The following LRRN1 variants were observed in gnomAD, a reference collection of about 807,000 sequenced individuals.
The protein encoded by LRRN1 is leucine-rich repeat neuronal protein 1.
In LRRN1, 14 loss-of-function variants were observed where a neutral mutation model predicts 45.8. That is an observed-to-expected ratio of 0.31 (90% confidence interval 0.20 to 0.48). LRRN1 has a LOEUF of 0.48. Among genes scored for constraint, LRRN1 ranks in the 20% least tolerant of loss-of-function variants. The pLI is 0.99. For synonymous variants in LRRN1, 359 were observed against 330.1 expected (o/e 1.09, Z -0.95); for missense variants, 789 against 874.2 (o/e 0.90, Z 1.23).
chr3:3,838,613 A>G (rs1479476797), intron 1 of LRRN1, among the ~76,000 whole-genome samples: 7 of 152,226 alleles, frequency 4.6e-5, no homozygotes, highest in South Asian at 2.1e-4. Flanking sequence ...ATTGTTTTCC[A>G]TAATGGTTGC....
At chr3:3,814,138 G>A (rs1383982923) in intron 1 of LRRN1, among the ~76,000 whole-genome samples, 1 of 148,844 alleles carries the variant, frequency 6.7e-6, no homozygotes, top group Non-Finnish European at 1.5e-5. Flanking sequence ...AGCCCTCATC[G>A]CCTCTCCTTT....
intron 1 of LRRN1, chr3:3,827,629 C>T: frequency 5.1e-6 from 2 of 391,992 alleles, no homozygotes; most frequent in South Asian, 3.7e-5. Context: ...TATTTGGAGC[C>T]TGAGAAAAAG....
chr3:3,843,919 G>T (rs1693698844), intron 1 of LRRN1, among the ~76,000 whole-genome samples: 1 of 152,132 alleles, frequency 6.6e-6, no homozygotes, highest in Admixed American at 6.5e-5. Flanking sequence ...CTTTCACTAG[G>T]AATGAACTTT....
chr3:3,814,150 G>C (rs1692939408), intron 1 of LRRN1, among the ~76,000 whole-genome samples: 1 of 148,590 alleles, frequency 6.7e-6, no homozygotes, highest in South Asian at 2.2e-4. Context: ...CTCTCCTTTA[G>C]CTTATTGGAA....
At chr3:3,822,036 G>A (rs1462190086) in intron 1 of LRRN1, among the ~76,000 whole-genome samples, 1 of 152,168 alleles carries the variant, frequency 6.6e-6, no homozygotes, top group Non-Finnish European at 1.5e-5. Flanking sequence ...AAAGCGATGC[G>A]ATTTGGGTTC....
At chr3:3,820,815 C>G (rs911973093) in intron 1 of LRRN1, among the ~76,000 whole-genome samples, 1 of 152,194 alleles carries the variant, frequency 6.6e-6, no homozygotes, top group African/African-American at 2.4e-5. Flanking sequence ...ATGAATAAAA[C>G]ATAACCTTGG....
intron 1 of LRRN1, among the ~76,000 whole-genome samples, chr3:3,814,390 G>A (rs1355490904): frequency 1.3e-5 from 2 of 151,412 alleles, no homozygotes; most frequent in East Asian, 3.9e-4. Context: ...GATGTATATG[G>A]GCTGTACCCA....
At chr3:3,820,523 C>T (rs1410232341) in intron 1 of LRRN1, among the ~76,000 whole-genome samples, 1 of 152,144 alleles carries the variant, frequency 6.6e-6, no homozygotes, top group Non-Finnish European at 1.5e-5. Context: ...CAATGGTGTA[C>T]TCTGATACTT....
chr3:3,824,855 A>C (rs1020052102), intron 1 of LRRN1, among the ~76,000 whole-genome samples: 3 of 152,176 alleles, frequency 2.0e-5, no homozygotes, highest in Admixed American at 6.5e-5. Context: ...CTTGGCCTCC[A>C]AATATGTGAC....
chr3:3,815,414 A>C (rs575168763), intron 1 of LRRN1, among the ~76,000 whole-genome samples: 1 of 152,110 alleles, frequency 6.6e-6, no homozygotes, highest in East Asian at 1.9e-4. Flanking sequence ...TCAATAAACT[A>C]TTCTAATTCA....
chr3:3,829,505 A>T (rs369624651), intron 1 of LRRN1, among the ~76,000 whole-genome samples: 1 of 152,150 alleles, frequency 6.6e-6, no homozygotes, highest in Non-Finnish European at 1.5e-5. Context: ...AAACATTACC[A>T]TGTATTGGAT....
chr3:3,829,677 C>T (rs1693321906), intron 1 of LRRN1, among the ~76,000 whole-genome samples: 1 of 152,198 alleles, frequency 6.6e-6, no homozygotes, highest in Admixed American at 6.5e-5. Flanking sequence ...CAGTGAATTC[C>T]ATGAGCATGA....
chr3:3,809,236 G>A (rs549105936), intron 1 of LRRN1, among the ~76,000 whole-genome samples: 20 of 152,162 alleles, frequency 1.3e-4, no homozygotes, highest in Admixed American at 1.0e-3. Context: ...CTCTGCCTCC[G>A]GGGTTCAAGC....
chr3:3,800,483 A>G (rs1226761176), intron 1 of LRRN1, among the ~76,000 whole-genome samples: 2 of 152,158 alleles, frequency 1.3e-5, no homozygotes, highest in African/African-American at 2.4e-5. Context: ...CAAGGCACTG[A>G]AAGTATTGAA....
At chr3:3,802,482 GACA>G (rs1050469031) in intron 1 of LRRN1, among the ~76,000 whole-genome samples, 5 of 152,172 alleles carry the variant, frequency 3.3e-5, no homozygotes, top group African/African-American at 1.2e-4. Context: ...AGAAAAAAAA[GACA>G]ACATTGTTTT....
intron 1 of LRRN1, among the ~76,000 whole-genome samples, chr3:3,838,094 C>A (rs1451820700): frequency 6.6e-6 from 1 of 152,038 alleles, no homozygotes; most frequent in East Asian, 1.9e-4. Flanking sequence ...AGAAATAAGA[C>A]CACCCATCTA....
intron 1 of LRRN1, among the ~76,000 whole-genome samples, chr3:3,813,835 C>T (rs6763248): frequency 0.015 from 2,351 of 152,138 alleles, 52 homozygotes; most frequent in African/African-American, 0.054. Context: ...AGGGAGGGAA[C>T]CAGGAGGAGA....
rs2629281 is a variant in LRRN1 at position 3,799,536 on chromosome 3, A to G, written c.-662A>G. On this transcript the variant is annotated 5_prime_UTR_variant, in exon 1 of 2. Coordinates refer to ENST00000319331, the MANE Select transcript of LRRN1 (RefSeq NM_020873.7). ...GCCCGCCTGGCGGGGAGAGGGGCCG[A>G]CGGCGTCAGCCCGGGCGGCGGCATC... is the stretch of plus-strand genomic sequence containing the variant. 77,388 of 151,754 alleles carry G rather than the reference A, an allele frequency of 0.51. 21,294 individuals are homozygous for G. Among genetic ancestry groups the G allele is most frequent in the Middle Eastern group, 0.64 (188 of 292 alleles). 9.4% of individuals were successfully genotyped at this position (151,754 alleles called of 1,614,324 possible). A position where few individuals can be genotyped will look rare whatever the true frequency, so the allele number is the denominator to read the frequency against.
intron 1 of LRRN1, among the ~76,000 whole-genome samples, chr3:3,829,990 C>T (rs1693330482): frequency 6.6e-6 from 1 of 152,130 alleles, no homozygotes; most frequent in South Asian, 2.1e-4. Flanking sequence ...ATTGGGCACT[C>T]AGCAGTGTCT....
Sources: gnomAD v4.1 joint callset for allele counts (sites outside exome capture counted in the v4.1 genomes callset) on GRCh38, gnomAD v4.1.1 for gene constraint, MANE v1.5 for transcripts, NCBI Gene and HGNC (gene_info 2026-07-23, HGNC 2026-07-21) for gene names.